CHODL: variants seen among roughly 807,000 people sequenced by gnomAD.
The protein encoded by CHODL is transmembrane protein MT75.
A neutral mutation model predicts 34.5 loss-of-function variants in CHODL; 29 were observed. That is an observed-to-expected ratio of 0.84 (90% CI 0.63 to 1.15). The LOEUF (loss-of-function observed/expected upper bound fraction) is 1.15, where lower values mean the gene tolerates loss of function less well. Ranked by LOEUF, CHODL falls within the 50% of genes most tolerant of loss-of-function variation. The pLI, the probability that CHODL is intolerant of heterozygous loss-of-function variation, is 0.00. For missense variants in CHODL, 332 were observed against 332.5 expected (o/e 1.00, Z 0.01); for synonymous variants, 125 against 116.1 (o/e 1.08, Z -0.49).
chr21:18,252,524 G>T (rs968192188), intron 1 of CHODL, among the ~76,000 whole-genome samples: 1 of 152,106 alleles, frequency 6.6e-6, no homozygotes, highest in African/African-American at 2.4e-5. Context: ...TCAGCTGAAA[G>T]AGTGGTGAGA....
intron 2 of CHODL, among the ~76,000 whole-genome samples, chr21:18,173,779 G>T (rs185910484): frequency 6.6e-6 from 1 of 151,620 alleles, no homozygotes; most frequent in Non-Finnish European, 1.5e-5. Context: ...CCCATGAATG[G>T]GTTATTTTCT....
chr21:18,213,226 A>T (rs2073791201), intron 2 of CHODL, among the ~76,000 whole-genome samples: 1 of 152,070 alleles, frequency 6.6e-6, no homozygotes. Flanking sequence ...GACATTTTCA[A>T]CCTTTAATAA....
chr21:18,188,343 A>C (rs2073468622), intron 2 of CHODL, among the ~76,000 whole-genome samples: 1 of 152,194 alleles, frequency 6.6e-6, no homozygotes, highest in Non-Finnish European at 1.5e-5. Context: ...TAGGCTTGCA[A>C]ATGCATATAC....
intron 2 of CHODL, among the ~76,000 whole-genome samples, chr21:18,038,912 C>T (rs1443834785): frequency 1.3e-5 from 2 of 151,070 alleles, no homozygotes; most frequent in Non-Finnish European, 3.0e-5. Context: ...AATATTTCAT[C>T]CATGGTACTT....
At chr21:18,217,821 A>G (rs1208126845) in intron 2 of CHODL, among the ~76,000 whole-genome samples, 1 of 152,296 alleles carries the variant, frequency 6.6e-6, no homozygotes, top group East Asian at 1.9e-4. Context: ...CCCATTTAAA[A>G]TGGGGAAATA....
chr21:17,955,415 C>T lies in CHODL; in HGVS notation c.-145+38015C>T, dbSNP rs996651833. Among the ~76,000 whole-genome samples, 8 of 137,176 alleles carry T rather than the reference C, an allele frequency of 5.8e-5. 2 individuals carry two copies. Among genetic ancestry groups the T allele is most frequent in the African/African-American group, 2.0e-4 (8 of 40,050 alleles). The allele number at this position is 137,176 out of a possible 152,430, so 90.0% of individuals were successfully genotyped here. On this transcript the variant is annotated intron_variant, in intron 1 of 6. Coordinates refer to the CHODL transcript ENST00000400127. ...TATTGTCATAGATGTAAATACTGTA[C>T]AATTGTTCTACTCCTTTCTCTTGAA... is the stretch of plus-strand genomic sequence containing the variant.
Position 17,919,278 on chromosome 21 carries a change from G to A in CHODL, c.-145+1878G>A, listed in dbSNP as rs1174877246. Among the ~76,000 whole-genome samples the A allele has an allele frequency of 5.3e-5, 8 of 152,324 alleles. No individual in the cohort carries two copies. The East Asian group carries it at 1.5e-3, about 29-fold the overall frequency. ...TTCCCTTCTGTACTGCCCTAGCAGA[G>A]GTTCTCCATGAGCACTCTGCCCCTG... On this transcript the variant is annotated intron_variant, in intron 1 of 6. Coordinates refer to the CHODL transcript ENST00000400127.
At chr21:18,045,711 A>C (rs749865129) in intron 2 of CHODL, among the ~76,000 whole-genome samples, 17 of 151,980 alleles carry the variant, frequency 1.1e-4, no homozygotes, top group Admixed American at 2.0e-4. Flanking sequence ...CAGTATTAAG[A>C]GGTGTGACCT....
intron 2 of CHODL, among the ~76,000 whole-genome samples, chr21:18,186,608 A>G (rs925864617): frequency 1.3e-5 from 2 of 152,194 alleles, no homozygotes; most frequent in African/African-American, 4.8e-5. Context: ...ATCAAAACAC[A>G]TATTTACATT....
intron 1 of CHODL, among the ~76,000 whole-genome samples, chr21:17,994,521 A>G (rs1400365790): frequency 6.6e-6 from 1 of 152,168 alleles, no homozygotes; most frequent in African/African-American, 2.4e-5. Context: ...TCTGGGAGGC[A>G]TGCATGTGTG....
At chr21:18,040,321 G>C (rs929028181) in intron 2 of CHODL, among the ~76,000 whole-genome samples, 1 of 151,784 alleles carries the variant, frequency 6.6e-6, no homozygotes, top group Non-Finnish European at 1.5e-5. Flanking sequence ...CAAAAGAGAA[G>C]GAGACGACAT....
At chr21:18,152,014 GTGTGTGTGTGTT>G (rs1280982810) in intron 2 of CHODL, among the ~76,000 whole-genome samples, 2 of 151,720 alleles carry the variant, frequency 1.3e-5, no homozygotes, top group Non-Finnish European at 2.9e-5. Context: ...GTGTGTGTGT[GTGTGTGTGTGTT>G]TGTGTGTGTG....
Position 17,956,382 on chromosome 21 carries a change from C to G in CHODL, c.-145+38982C>G, listed in dbSNP as rs1202767013. Reference sequence around the variant, plus strand: ...GCCCCCCCAGAAGCAGATGCTAGCACTATGCTTCCTGCACAGCCTCCAGAA... The same window carrying G: ...GCCCCCCCAGAAGCAGATGCTAGCAGTATGCTTCCTGCACAGCCTCCAGAA... On this transcript the variant is annotated intron_variant, in intron 1 of 6. Coordinates refer to the CHODL transcript ENST00000400127. Among the ~76,000 whole-genome samples the G allele has an allele frequency of 5.1e-5, 7 of 136,576 alleles. 3 individuals are homozygous for G. The highest frequency in any genetic ancestry group is 1.2e-4 in the Non-Finnish European group (7 of 60,094). The allele number at this position is 136,576 out of a possible 152,430, so 89.6% of individuals were successfully genotyped here.
At chr21:18,175,015 T>G (rs2073288808) in intron 2 of CHODL, among the ~76,000 whole-genome samples, 1 of 152,238 alleles carries the variant, frequency 6.6e-6, no homozygotes, top group African/African-American at 2.4e-5. Flanking sequence ...GAAATGCATA[T>G]AATACTAGTT....
In CHODL at chr21:18,266,254, T is replaced by C; in HGVS notation, c.*216T>C. ...ATGGAGTGAGACATGCTTATTTTGC[T>C]AAAGGATGCACCCAAACTTCAAACT... On this transcript the variant is annotated 3_prime_UTR_variant, in exon 6 of 6. Coordinates refer to ENST00000299295, the MANE Select transcript of CHODL (RefSeq NM_024944.3). 1 of 1,454,762 alleles carries C rather than the reference T, an allele frequency of 6.9e-7. No individual in the cohort carries two copies. Among genetic ancestry groups the C allele is most frequent in the Non-Finnish European group, 9.1e-7 (1 of 1,099,958 alleles). 90.1% of individuals were successfully genotyped at this position (1,454,762 alleles called of 1,614,324 possible).
intron 2 of CHODL, among the ~76,000 whole-genome samples, chr21:18,155,843 C>G (rs1408389516): frequency 6.6e-6 from 1 of 152,168 alleles, no homozygotes; most frequent in Non-Finnish European, 1.5e-5. Flanking sequence ...CTTTTGCAGT[C>G]TAGCATAAAT....
intron 2 of CHODL, among the ~76,000 whole-genome samples, chr21:18,108,968 T>A (rs1317156666): frequency 6.6e-6 from 1 of 152,030 alleles, no homozygotes; most frequent in Non-Finnish European, 1.5e-5. Context: ...AATATTGAAA[T>A]AGGATTATGA....
At chr21:18,246,313 A>G (rs547918149) in intron 1 of CHODL, among the ~76,000 whole-genome samples, 66 of 152,320 alleles carry the variant, frequency 4.3e-4, no homozygotes, top group African/African-American at 1.5e-3. Flanking sequence ...AAGCACAAAT[A>G]GCCCTTTTCA....
chr21:18,210,226 T>C (rs1473009127), intron 2 of CHODL, among the ~76,000 whole-genome samples: 1 of 152,202 alleles, frequency 6.6e-6, no homozygotes, highest in South Asian at 2.1e-4. Flanking sequence ...TTGTGGTCTC[T>C]AGCTGAGTTA....
Sources: gnomAD v4.1 joint callset for allele counts (sites outside exome capture counted in the v4.1 genomes callset) on GRCh38, gnomAD v4.1.1 for gene constraint, MANE v1.5 for transcripts, NCBI Gene and HGNC (gene_info 2026-07-23, HGNC 2026-07-21) for gene names.